The following MYO16 variants were observed in gnomAD, a reference collection of about 807,000 sequenced individuals.
The protein encoded by MYO16 is myosin XVI.
In MYO16, 94 loss-of-function variants were observed where a neutral mutation model predicts 205.3. That is an observed-to-expected ratio of 0.46 (90% CI 0.39 to 0.54). The LOEUF is 0.54. MYO16 is among the 20% of genes least tolerant of loss of function. The pLI is 0.00. For synonymous variants in MYO16, 988 were observed against 954.0 expected (o/e 1.04, Z -0.66); for missense variants, 2,315 against 2,387.5 (o/e 0.97, Z 0.63).
At chr13:109,056,399 C>T (rs1222813010) in intron 27 of MYO16, among the ~76,000 whole-genome samples, 1 of 152,136 alleles carries the variant, frequency 6.6e-6, no homozygotes, top group Non-Finnish European at 1.5e-5. Context: ...TTTATTTGAT[C>T]AGAAACTTTA....
intron 9 of MYO16, among the ~76,000 whole-genome samples, chr13:108,829,184 G>C (rs1876462223): frequency 6.6e-6 from 1 of 152,098 alleles, no homozygotes; most frequent in Admixed American, 6.5e-5. Context: ...TAGCATAATT[G>C]TACTGCAGGA....
chr13:108,900,315 C>T (rs1880646919), intron 15 of MYO16, among the ~76,000 whole-genome samples: 1 of 152,110 alleles, frequency 6.6e-6, no homozygotes, highest in Non-Finnish European at 1.5e-5. Context: ...ACATCTTTAG[C>T]ATAATTAGCC....
At position 109,127,409 on chromosome 13, in the gene MYO16, A is replaced by G; in HGVS notation, c.3910A>G (p.Ser1304Gly). ...IWSPSLHSVF[S>G]MDDSSSLPSP... ...GTCTCCTTCGCTGCACTCGGTGTTC[A>G]GCATGGATGACAGCAGCAGCCTCCC... The change falls in exon 31 of 35, where the codon AGC becomes GGC. Residue 1304 changes from serine to glycine, a missense_variant. Transcript: ENST00000457511. The surrounding 1 kb of genome is among the most constrained non-coding windows in gnomAD (Gnocchi z 4.2). 6.2e-7 allele frequency: 1 copy of G among 1,614,080 alleles called. No homozygotes were observed. Among genetic ancestry groups the G allele is most frequent in the Non-Finnish European group, 8.5e-7 (1 of 1,179,988 alleles).
the MYO16 span, among the ~76,000 whole-genome samples, chr13:108,548,656 G>T: frequency 6.6e-6 from 1 of 151,958 alleles, no homozygotes; most frequent in Admixed American, 6.6e-5. Context: ...GTGATGGTGT[G>T]GTGGTTTTGA....
chr13:108,754,192 G>GGACAAGCTGTAGCATGCAA (rs1395593242), intron 4 of MYO16, among the ~76,000 whole-genome samples: 4 of 151,584 alleles, frequency 2.6e-5, no homozygotes, highest in South Asian at 2.1e-4. Context: ...GTAGCATGCA[G>GGACAAGCTGTAGCATGCAA]GACAAGCTGT....
Position 108,910,165 on chromosome 13 carries a change from A to G in MYO16, c.1925+15A>G. 1 of 1,605,542 alleles carries G rather than the reference A, an allele frequency of 6.2e-7. No homozygotes were observed. Among genetic ancestry groups the G allele is most frequent in the African/African-American group, 1.3e-5 (1 of 74,712 alleles). On this transcript the variant is annotated intron_variant, in intron 16 of 34. Coordinates refer to ENST00000457511, the MANE Select transcript of MYO16 (RefSeq NM_001198950.3). ...TGTGCACACCGGTGAGTGACTAAGT[A>G]TTTTGTATCTAAAAGCTATGCCTTC... is the stretch of plus-strand genomic sequence containing the variant.
chr13:108,986,781 C>CA (rs1884653669), intron 20 of MYO16, among the ~76,000 whole-genome samples: 1 of 152,114 alleles, frequency 6.6e-6, no homozygotes, highest in Admixed American at 6.6e-5. Context: ...CAAATGCAGA[C>CA]AGTGCCCTTT....
chr13:108,699,628 AAT>A (rs1883223816), intron 2 of MYO16, among the ~76,000 whole-genome samples: 1 of 152,174 alleles, frequency 6.6e-6, no homozygotes, highest in Non-Finnish European at 1.5e-5. Context: ...TCTGTCCTGG[AAT>A]ATATAGAGTC....
intron 1 of MYO16, among the ~76,000 whole-genome samples, chr13:108,636,213 G>T (rs1880217464): frequency 6.6e-6 from 1 of 151,952 alleles, no homozygotes; most frequent in African/African-American, 2.4e-5. Context: ...CTTAGCTTTT[G>T]ATAACTTTTG....
Position 109,052,311 on chromosome 13 carries a change from G to A in MYO16, c.2884G>A (p.Val962Ile), listed in dbSNP as rs768120683. The A allele has an allele frequency of 3.7e-6, 6 of 1,612,492 alleles. No individual in the cohort carries two copies. Among genetic ancestry groups the A allele is most frequent in the Middle Eastern group, 3.3e-4 (2 of 6,052 alleles). ...LLFVMKTSEN[V>I]VINHLFQSKL... ...TATTTATTTCCTAGCTAGTGAAAAT[G>A]TCGTGATCAATCATTTGTTCCAGTC... is the stretch of plus-strand genomic sequence containing the variant. Residue 962 changes from valine to isoleucine, a missense_variant, in exon 25 of 35, where the codon GTC (valine) becomes ATC (isoleucine). Coordinates refer to ENST00000457511, the MANE Select transcript of MYO16 (RefSeq NM_001198950.3).
chr13:108,582,575 G>T, the MYO16 span, among the ~76,000 whole-genome samples: 1 of 152,210 alleles, frequency 6.6e-6, no homozygotes, highest in Non-Finnish European at 1.5e-5. Context: ...CAGTGCTGCA[G>T]GAAGAGAAAA....
chr13:108,780,660 T>C (rs1886272011), intron 4 of MYO16, among the ~76,000 whole-genome samples: 2 of 152,252 alleles, frequency 1.3e-5, no homozygotes, highest in South Asian at 4.1e-4. Context: ...TAATTTTTAA[T>C]GATTAGTTTA....
chr13:108,713,220 T>A (rs1392675846), intron 3 of MYO16, among the ~76,000 whole-genome samples: 1 of 152,168 alleles, frequency 6.6e-6, no homozygotes, highest in Non-Finnish European at 1.5e-5. Flanking sequence ...ATTAGATTCG[T>A]GTGCAAGAAA....
intron 16 of MYO16, among the ~76,000 whole-genome samples, chr13:108,949,430 A>G (rs1005483825): frequency 6.6e-6 from 1 of 152,208 alleles, no homozygotes; most frequent in Non-Finnish European, 1.5e-5. Context: ...AATTTAAAAC[A>G]TAACACCCTT....
At chr13:108,873,686 A>T (rs1470909781) in intron 12 of MYO16, among the ~76,000 whole-genome samples, 2 of 128,640 alleles carry the variant, frequency 1.6e-5, no homozygotes, top group Non-Finnish European at 3.4e-5. Context: ...CATGCCAACC[A>T]ACAGGACAGG....
chr13:108,732,849 T>C (rs999763066), intron 4 of MYO16, among the ~76,000 whole-genome samples: 9 of 152,088 alleles, frequency 5.9e-5, no homozygotes, highest in Non-Finnish European at 5.9e-5. Context: ...ATATACAGGA[T>C]TTTGAAGGCA....
intron 16 of MYO16, among the ~76,000 whole-genome samples, chr13:108,927,974 C>T (rs1933222): frequency 0.039 from 5,958 of 152,370 alleles, 245 homozygotes; most frequent in Admixed American, 0.13. Flanking sequence ...AGGAATTGCC[C>T]AGCAATGGCT....
At chr13:109,024,397 A>C (rs959561649) in intron 23 of MYO16, among the ~76,000 whole-genome samples, 1 of 152,068 alleles carries the variant, frequency 6.6e-6, no homozygotes, top group African/African-American at 2.4e-5. Flanking sequence ...GATGCACTAG[A>C]TGTTCAATAA....
At chr13:108,677,670 C>T (rs75020132) in intron 2 of MYO16, among the ~76,000 whole-genome samples, 14,127 of 151,904 alleles carry the variant, frequency 0.093, 961 homozygotes, top group South Asian at 0.28. Flanking sequence ...CAATTTCTCG[C>T]GCCATACAAT....
Sources: gnomAD v4.1 joint callset for allele counts (sites outside exome capture counted in the v4.1 genomes callset) on GRCh38, gnomAD v4.1.1 for gene constraint, Gnocchi (gnomAD v3.1) non-coding constraint, MANE v1.5 for transcripts, NCBI Gene and HGNC (gene_info 2026-07-23, HGNC 2026-07-21) for gene names.